NFIA: variants seen among roughly 807,000 people sequenced by gnomAD.
NFIA encodes nuclear factor 1 A-type.
NFIA carries 8 observed loss-of-function variants against 62.8 expected under a neutral mutation model. That is an observed-to-expected ratio of 0.13 (90% CI 0.07 to 0.23). The LOEUF is 0.23. Ranked by LOEUF, NFIA falls within the 10% of genes least tolerant of loss-of-function variation. The pLI, the probability that NFIA is intolerant of heterozygous loss-of-function variation, is 1.00. For missense variants in NFIA, 410 were observed against 642.1 expected, an observed-to-expected ratio of 0.64 and a Z score of 3.91; for synonymous variants, 235 against 238.1, an observed-to-expected ratio of 0.99 and a Z score of 0.12.
At chr1:61,410,786 A>G (rs1364524537) in intron 9 of NFIA, among the ~76,000 whole-genome samples, 2 of 152,106 alleles carry the variant, frequency 1.3e-5, no homozygotes, top group African/African-American at 2.4e-5. Flanking sequence ...GTGCACCCGT[A>G]GTTTCAGCTA....
upstream of NFIA, chr1:61,077,363 C>G (rs899229937): frequency 2.9e-6 from 1 of 344,510 alleles, no homozygotes; most frequent in Non-Finnish European, 5.2e-6. Flanking sequence ...AGAGTGAGAG[C>G]GAGCGAGCGA....
At chr1:61,441,691 T>A (rs1569888691) in intron 10 of NFIA, among the ~76,000 whole-genome samples, 1 of 152,202 alleles carries the variant, frequency 6.6e-6, no homozygotes, top group Admixed American at 6.5e-5. Flanking sequence ...AATGAAGTAG[T>A]GAGAGGTATA....
At chr1:61,306,104 CCTCCCAAAGT>C (rs1465419657) in intron 3 of NFIA, among the ~76,000 whole-genome samples, 24 of 151,950 alleles carry the variant, frequency 1.6e-4, no homozygotes, top group Admixed American at 2.6e-4. Flanking sequence ...CCCGCCTTGG[CCTCCCAAAGT>C]GCTGGGATTA....
At chr1:61,116,581 C>T (rs1646797067) in intron 2 of NFIA, among the ~76,000 whole-genome samples, 1 of 152,108 alleles carries the variant, frequency 6.6e-6, no homozygotes, top group Non-Finnish European at 1.5e-5. Context: ...AAGTTGTTTT[C>T]TGTGTGCATC....
intron 3 of NFIA, among the ~76,000 whole-genome samples, chr1:61,305,870 CAG>C (rs1364369327): frequency 2.2e-5 from 3 of 139,052 alleles, no homozygotes; most frequent in Admixed American, 1.5e-4. Context: ...TTTTCTGAGA[CAG>C]AGTCTCACTC....
At position 61,455,347 on chromosome 1, in the gene NFIA, G is replaced by A. The variant is rs371638603; in HGVS notation, c.*27G>A. ...AGTTGCAGCGTCCCACCATCCACCA[G>A]ACAGACCACCTGACCCCTTCTCAAC... On this transcript the variant is annotated 3_prime_UTR_variant, in exon 11 of 11. Transcript: ENST00000403491. 2.5e-6 allele frequency: 4 copies of A among 1,613,930 alleles called. No homozygotes were observed. The highest frequency in any genetic ancestry group is 1.3e-5 in the African/African-American group (1 of 74,892).
chr1:61,203,112 C>G (rs10889215), intron 2 of NFIA, among the ~76,000 whole-genome samples: 1 of 152,172 alleles, frequency 6.6e-6, no homozygotes, highest in South Asian at 2.1e-4. Context: ...TCTGTTGGTG[C>G]GAGAGCTTAA....
intron 4 of NFIA, among the ~76,000 whole-genome samples, chr1:61,346,958 TACTC>T (rs750146315): frequency 3.9e-5 from 6 of 152,128 alleles, no homozygotes; most frequent in South Asian, 2.1e-4. Flanking sequence ...CGTGGGAACT[TACTC>T]ACTATCACGA....
chr1:61,332,428 C>T, intron 3 of NFIA, 84 bp from the exon 4 acceptor site: 1 of 1,297,194 alleles, frequency 7.7e-7, no homozygotes. Context: ...ATGTGTTAAT[C>T]ATAATGAAAC....
chr1:61,220,897 CAAAT>C (rs1247430352), intron 2 of NFIA, among the ~76,000 whole-genome samples: 6 of 152,252 alleles, frequency 3.9e-5, no homozygotes, highest in Admixed American at 2.6e-4. Context: ...AGGTATAAAA[CAAAT>C]AAATATAAAT....
chr1:61,412,156 G>T (rs902992971), intron 9 of NFIA, among the ~76,000 whole-genome samples: 1 of 152,092 alleles, frequency 6.6e-6, no homozygotes, highest in South Asian at 2.1e-4. Context: ...TAAAATGAGC[G>T]TCTTCTACAT....
intron 10 of NFIA, among the ~76,000 whole-genome samples, chr1:61,445,362 T>G (rs929253055): frequency 2.0e-5 from 3 of 152,240 alleles, no homozygotes; most frequent in African/African-American, 7.2e-5. Context: ...CTGGAAATAT[T>G]TGGGAGGAAT....
chr1:61,376,075 ACTT>A (rs1664136552), intron 6 of NFIA, among the ~76,000 whole-genome samples: 1 of 152,042 alleles, frequency 6.6e-6, no homozygotes, highest in Admixed American at 6.6e-5. Flanking sequence ...TCCTTGAAAC[ACTT>A]CTTAGTTTCT....
At chr1:61,231,812 C>T (rs1331811677) in intron 2 of NFIA, among the ~76,000 whole-genome samples, 3 of 151,912 alleles carry the variant, frequency 2.0e-5, no homozygotes, top group Non-Finnish European at 4.4e-5. Context: ...TGTACTCCAG[C>T]CTGGGTAACA....
At chr1:61,144,040 CA>C (rs1647739851) in intron 2 of NFIA, among the ~76,000 whole-genome samples, 2 of 152,174 alleles carry the variant, frequency 1.3e-5, no homozygotes, top group South Asian at 2.1e-4. Context: ...ATTCATTCAG[CA>C]AATATTTTCT....
intron 10 of NFIA, among the ~76,000 whole-genome samples, chr1:61,441,292 G>GGTGTGT (rs763246425): frequency 0.058 from 8,058 of 139,282 alleles, 278 homozygotes; most frequent in Middle Eastern, 0.12. Context: ...GCCGTGCAGG[G>GGTGTGT]GTGTGTGTGT....
Position 61,116,614 on chromosome 1 carries a change from A to T in NFIA, c.559+27934A>T, listed in dbSNP as rs528514281. Among the ~76,000 whole-genome samples, 8 of 152,352 alleles carry T rather than the reference A, an allele frequency of 5.3e-5. No homozygotes were observed. The East Asian group carries it at 1.5e-3, about 29-fold the overall frequency. ...ATCCCACCCAAATAAAGAATGTTTC[A>T]TCAGCAAAGTGAATTGCCGTATAGT... is the stretch of plus-strand genomic sequence containing the variant. On this transcript the variant is annotated intron_variant, in intron 2 of 10. Coordinates refer to ENST00000403491, the MANE Select transcript of NFIA (RefSeq NM_001134673.4).
chr1:61,102,652 T>C (rs903260492), intron 2 of NFIA, among the ~76,000 whole-genome samples: 3 of 152,216 alleles, frequency 2.0e-5, no homozygotes, highest in African/African-American at 7.2e-5. Context: ...TATATATTTT[T>C]AAATATTTCA....
intron 2 of NFIA, among the ~76,000 whole-genome samples, chr1:61,258,808 A>C (rs963282862): frequency 6.6e-6 from 1 of 152,000 alleles, no homozygotes; most frequent in Non-Finnish European, 1.5e-5. Flanking sequence ...GGCTCACTGC[A>C]GTCTCGACTC....
Sources: allele counts gnomAD v4.1 joint callset (sites outside exome capture counted in the v4.1 genomes callset), GRCh38; gene constraint gnomAD v4.1.1; transcripts MANE v1.5; gene names NCBI Gene and HGNC (gene_info 2026-07-23, HGNC 2026-07-21).